Variants in ZNF227 observed in about 807,000 individuals in gnomAD.
ZNF227 encodes the protein zinc finger protein 227.
In ZNF227, 12 loss-of-function variants were observed where a neutral mutation model predicts 13.2. That is an observed-to-expected ratio of 0.91 (90% confidence interval 0.58 to 1.47). The LOEUF (loss-of-function observed/expected upper bound fraction) is 1.47, where lower values mean the gene tolerates loss of function less well. Among genes scored for constraint, ZNF227 ranks in the 40% most tolerant of loss-of-function variants. The pLI is 0.00. For synonymous variants in ZNF227, 338 were observed against 326.0 expected (o/e 1.04, Z -0.40); for missense variants, 885 against 967.5 (o/e 0.91, Z 1.13).
chr19:44,236,376 C>A lies in ZNF227; in HGVS notation c.1946C>A (p.Ser649Tyr). The change falls in exon 6 of 6, where the codon TCC (serine) becomes TAC (tyrosine). Residue 649 changes from serine to tyrosine, a missense_variant. Physicochemically the swap from Ser to Tyr is moderately radical, Grantham distance 144. Coordinates refer to ENST00000313040, the MANE Select transcript of ZNF227 (RefSeq NM_182490.3). ...TTCAGTCAGTCCTCTGGTCTTCAAT[C>A]CCATCAGAGAGTCCACACGGGGGAA... ...KGFSQSSGLQ[S>Y]HQRVHTGEKP... 2 of 1,613,900 alleles carry A rather than the reference C, an allele frequency of 1.2e-6. No homozygotes were observed. The highest frequency in any genetic ancestry group is 1.7e-6 in the Non-Finnish European group (2 of 1,179,972).
intron 5 of ZNF227, among the ~76,000 whole-genome samples, chr19:44,231,995 A>G (rs1973894001): frequency 6.6e-6 from 1 of 152,210 alleles, no homozygotes; most frequent in African/African-American, 2.4e-5. Context: ...TTATCCATAC[A>G]GCTGACTTCC....
Position 44,226,565 on chromosome 19 carries a change from G to C in ZNF227, c.61-1881G>C, listed in dbSNP as rs554677293. Among the ~76,000 whole-genome samples, 5 of 152,350 alleles carry C rather than the reference G, an allele frequency of 3.3e-5. No homozygotes were observed. In the East Asian group the frequency reaches 9.6e-4, roughly 29 times the overall value. ...AATCAGCGAGACTCTGTGGGCGTAG[G>C]ACCCTCCGAGCCATGTGCAGGATAT... is the stretch of plus-strand genomic sequence containing the variant. On this transcript the variant is annotated intron_variant, in intron 3 of 5. Coordinates refer to ENST00000313040, the MANE Select transcript of ZNF227 (RefSeq NM_182490.3).
chr19:44,228,310 G>C lies in ZNF227; in HGVS notation c.61-136G>C, dbSNP rs767430866. On this transcript the variant is annotated intron_variant, in intron 3 of 5. Transcript: ENST00000313040. ...AGGAGATAGTGAGACAGGGAAAACT[G>C]TAACAGCTGAAAATTGACTGAGATC... 4.1e-6 allele frequency: 4 copies of C among 978,784 alleles called. No individual in the cohort carries two copies. In the African/African-American group the frequency reaches 6.8e-5, roughly 17 times the overall value. The allele number at this position is 978,784 out of a possible 1,614,324, so 60.6% of individuals were successfully genotyped here.
chr19:44,216,263 C>A (rs1342286738), intron 2 of ZNF227, among the ~76,000 whole-genome samples: 1 of 151,244 alleles, frequency 6.6e-6, no homozygotes, highest in Non-Finnish European at 1.5e-5. Flanking sequence ...AAATAATCAT[C>A]TAGTTGAACA....
chr19:44,234,467 C>T (rs892773922), intron 5 of ZNF227, among the ~76,000 whole-genome samples: 1 of 152,142 alleles, frequency 6.6e-6, no homozygotes. Flanking sequence ...GTTAGACTTA[C>T]GGTTCTACAT....
chr19:44,222,429 T>G (rs973628017), intron 3 of ZNF227, among the ~76,000 whole-genome samples: 4 of 151,792 alleles, frequency 2.6e-5, no homozygotes, highest in Non-Finnish European at 5.9e-5. Flanking sequence ...TGTATCCTCT[T>G]TTATTTCATC....
chr19:44,216,911 G>C (rs1436076957), intron 2 of ZNF227, among the ~76,000 whole-genome samples: 2 of 150,112 alleles, frequency 1.3e-5, no homozygotes, highest in African/African-American at 2.4e-5. Flanking sequence ...TTTCATAGGA[G>C]AGCAATATTT....
At chr19:44,215,382 T>C (rs369167682) in intron 2 of ZNF227, among the ~76,000 whole-genome samples, 6 of 151,900 alleles carry the variant, frequency 3.9e-5, no homozygotes, top group African/African-American at 1.4e-4. Flanking sequence ...AGTATATCTT[T>C]TTTTTGTTCT....
upstream of ZNF227, among the ~76,000 whole-genome samples, chr19:44,211,899 CT>C (rs528951551): frequency 0.24 from 15,614 of 65,428 alleles, 2,249 homozygotes; most frequent in African/African-American, 0.5. Flanking sequence ...TTTTTTTTTT[CT>C]TTTTTTTTTT....
intron 2 of ZNF227, among the ~76,000 whole-genome samples, chr19:44,216,733 A>G (rs545501743): frequency 4.6e-5 from 7 of 152,272 alleles, no homozygotes; most frequent in African/African-American, 1.7e-4. Context: ...CACATAAAAT[A>G]AAAGAGATGT....
chr19:44,230,299 G>A (rs1356333685), intron 5 of ZNF227, among the ~76,000 whole-genome samples: 1 of 152,140 alleles, frequency 6.6e-6, no homozygotes, highest in Non-Finnish European at 1.5e-5. Context: ...ACAGATGTGA[G>A]TTGCCGCACC....
At chr19:44,209,848 A>C (rs1971298824), upstream of ZNF227, among the ~76,000 whole-genome samples, 1 of 152,124 alleles carries the variant, frequency 6.6e-6, no homozygotes, top group Admixed American at 6.5e-5. Flanking sequence ...GGCCTCCCAA[A>C]GTGCTGGGAT....
intron 5 of ZNF227, among the ~76,000 whole-genome samples, 197 bp from the exon 6 acceptor site, chr19:44,234,505 A>C (rs1568613905): frequency 6.6e-6 from 1 of 152,146 alleles, no homozygotes; most frequent in African/African-American, 2.4e-5. Flanking sequence ...AGTGAATGGG[A>C]GCCTGTTGAC....
chr19:44,229,948 G>A (rs761031365), intron 5 of ZNF227, 132 bp downstream of exon 5: 1 of 488,522 alleles, frequency 2.0e-6, no homozygotes, highest in Non-Finnish European at 3.4e-6. Flanking sequence ...CTTCCATGCT[G>A]GTCTCCCCAC....
chr19:44,225,464 T>G (rs1973018734), intron 3 of ZNF227, among the ~76,000 whole-genome samples: 1 of 152,200 alleles, frequency 6.6e-6, no homozygotes, highest in Non-Finnish European at 1.5e-5. Flanking sequence ...CTTTGTTCGT[T>G]TCTTTTTATT....
intron 5 of ZNF227, among the ~76,000 whole-genome samples, chr19:44,232,293 G>T (rs1448777369): frequency 2.6e-5 from 4 of 152,212 alleles, no homozygotes; most frequent in African/African-American, 9.6e-5. Flanking sequence ...AGTTAGGCCG[G>T]ACTTTCAGAG....
chr19:44,234,690 CTTTTT>C lies in ZNF227; in HGVS notation c.272-10_272-6del, dbSNP rs1414588527. Reference sequence around the variant, plus strand: ...CTCATCTCTAAATATTGCCTTTTTTCTTTTTTAATAGGCAGCAAGCATCAAAATAA... The same window carrying C: ...CTCATCTCTAAATATTGCCTTTTTTCTAATAGGCAGCAAGCATCAAAATAA... On this transcript the variant is annotated splice_region_variant and splice_polypyrimidine_tract_variant and intron_variant, in intron 5 of 5. Coordinates refer to ENST00000313040, the MANE Select transcript of ZNF227 (RefSeq NM_182490.3). 8 of 1,557,226 alleles carry C rather than the reference CTTTTT, an allele frequency of 5.1e-6. No individual in the cohort carries two copies. The East Asian group carries it at 1.8e-4, about 35-fold the overall frequency.
In ZNF227 at chr19:44,230,926, A is replaced by AAT. The variant is rs58952117; in HGVS notation, c.271+1137_271+1138dup. On this transcript the variant is annotated intron_variant, in intron 5 of 5. Coordinates refer to ENST00000313040, the MANE Select transcript of ZNF227 (RefSeq NM_182490.3). ...ATCTCTACAAAAAAAAAAAAAAAAA[A>AAT]ATATATATATATATATATATATATA... Among the ~76,000 whole-genome samples, 615 of 68,018 alleles carry AAT rather than the reference A, an allele frequency of 9.0e-3. 6 individuals carry two copies. Among genetic ancestry groups the AAT allele is most frequent in the East Asian group, 0.019 (48 of 2,512 alleles). The allele number at this position is 68,018 out of a possible 152,430, so 44.6% of individuals were successfully genotyped here.
At chr19:44,231,922 T>TTA (rs1051348448) in intron 5 of ZNF227, among the ~76,000 whole-genome samples, 2 of 151,984 alleles carry the variant, frequency 1.3e-5, no homozygotes, top group Non-Finnish European at 2.9e-5. Flanking sequence ...ATGGCAGGTA[T>TTA]TATAGTTCAT....
Sources: allele counts gnomAD v4.1 joint callset (sites outside exome capture counted in the v4.1 genomes callset), GRCh38; gene constraint gnomAD v4.1.1; transcripts MANE v1.5; gene names NCBI Gene and HGNC (gene_info 2026-07-23, HGNC 2026-07-21).